MEOX2: variants seen among roughly 807,000 people sequenced by gnomAD.
MEOX2 encodes the protein homeobox protein MOX-2.
A neutral mutation model predicts 27.0 loss-of-function variants in MEOX2; 11 were observed. The ratio of observed to expected loss-of-function variants is 0.41; its 90% CI spans 0.26 to 0.68. MEOX2 has a LOEUF of 0.68. Among genes scored for constraint, MEOX2 ranks in the 30% least tolerant of loss-of-function variants. The pLI, the probability that MEOX2 is intolerant of heterozygous loss-of-function variation, is 0.33. For missense variants in MEOX2, 436 were observed against 385.4 expected (o/e 1.13, Z -1.10); for synonymous variants, 189 against 155.4 (o/e 1.22, Z -1.61).
At chr7:15,625,001 G>A (rs1781277707) in intron 2 of MEOX2, among the ~76,000 whole-genome samples, 1 of 152,076 alleles carries the variant, frequency 6.6e-6, no homozygotes, top group Non-Finnish European at 1.5e-5. Flanking sequence ...CTGCTCCGTG[G>A]TCAAACAATG....
chr7:15,633,127 C>G (rs951892943), intron 1 of MEOX2, among the ~76,000 whole-genome samples: 4 of 151,876 alleles, frequency 2.6e-5, no homozygotes, highest in African/African-American at 9.7e-5. Flanking sequence ...GCTTTCTCTC[C>G]TATACTAGAA....
chr7:15,665,153 C>T (rs1445736772), intron 1 of MEOX2, among the ~76,000 whole-genome samples: 1 of 151,968 alleles, frequency 6.6e-6, no homozygotes, highest in East Asian at 1.9e-4. Flanking sequence ...GACAATGTTA[C>T]ACATTTTGGC....
chr7:15,667,345 G>A (rs1370527946), intron 1 of MEOX2, among the ~76,000 whole-genome samples: 1 of 147,700 alleles, frequency 6.8e-6, no homozygotes, highest in Non-Finnish European at 1.5e-5. Context: ...AGTTGAGGCA[G>A]CTGCCACCCT....
intron 2 of MEOX2, among the ~76,000 whole-genome samples, chr7:15,625,826 T>A (rs1781293764): frequency 6.6e-6 from 1 of 152,124 alleles, no homozygotes; most frequent in African/African-American, 2.4e-5. Context: ...AACAAATCAT[T>A]TGTCATTCAA....
At chr7:15,617,066 G>T (rs112598644) in intron 2 of MEOX2, among the ~76,000 whole-genome samples, 5 of 151,920 alleles carry the variant, frequency 3.3e-5, no homozygotes, top group African/African-American at 1.2e-4. Context: ...GTGTCCTGAG[G>T]CAAATAGGTT....
chr7:15,652,294 G>C (rs17168957), intron 1 of MEOX2, among the ~76,000 whole-genome samples: 4 of 152,030 alleles, frequency 2.6e-5, no homozygotes, highest in African/African-American at 7.2e-5. Flanking sequence ...AAATGCATAT[G>C]TAATTACTCA....
rs78775276 is a variant in MEOX2, at chr7:15,664,130, T to C, written c.517+21756A>G. ...GCTGTACTTAAAGACCCAATATATGTGAAGGAGATAGGTTAAGAGGGATTT... is the reference window on the plus strand; with the variant it reads ...GCTGTACTTAAAGACCCAATATATGCGAAGGAGATAGGTTAAGAGGGATTT... On this transcript the variant is annotated intron_variant, in intron 1 of 2. Transcript: ENST00000262041. Among the ~76,000 whole-genome samples, 80 of 152,286 alleles carry C rather than the reference T, an allele frequency of 5.3e-4. 1 individual carries two copies. The East Asian group carries it at 0.015, about 29-fold the overall frequency.
chr7:15,647,614 C>T (rs2115374780), intron 1 of MEOX2, among the ~76,000 whole-genome samples: 1 of 152,146 alleles, frequency 6.6e-6, no homozygotes, highest in African/African-American at 2.4e-5. Flanking sequence ...GAACATGAAA[C>T]TAAAGCTGCT....
At chr7:15,653,057 T>C (rs1406469045) in intron 1 of MEOX2, among the ~76,000 whole-genome samples, 1 of 114,190 alleles carries the variant, frequency 8.8e-6, no homozygotes, top group African/African-American at 2.7e-5. Context: ...CTGTCAAACT[T>C]TTTTCCAGAG....
intron 1 of MEOX2, among the ~76,000 whole-genome samples, chr7:15,633,367 G>C (rs556570754): frequency 1.1e-4 from 17 of 151,970 alleles, no homozygotes; most frequent in African/African-American, 3.6e-4. Flanking sequence ...GATGGGGAGG[G>C]AAAGAAACTA....
At chr7:15,682,363 G>A (rs1782307050) in intron 1 of MEOX2, among the ~76,000 whole-genome samples, 1 of 151,704 alleles carries the variant, frequency 6.6e-6, no homozygotes, top group African/African-American at 2.4e-5. Context: ...CTGAGTTTAA[G>A]TTCCAACTTA....
rs575286230 is a variant in MEOX2, at chr7:15,636,878, C to CATTCATATA, written c.518-9969_518-9961dup. On this transcript the variant is annotated intron_variant, in intron 1 of 2. Coordinates refer to ENST00000262041, the MANE Select transcript of MEOX2 (RefSeq NM_005924.5). The stretch of plus-strand genomic sequence containing the variant: ...GCAGAAGGGCAAAAGAGCGTGATCC[C>CATTCATATA]ATTCATATAAGCCCTTTTCATAGTG... Among the ~76,000 whole-genome samples the CATTCATATA allele has an allele frequency of 5.9e-5, 9 of 152,072 alleles. No homozygotes were observed. The East Asian group carries it at 1.7e-3, about 29-fold the overall frequency.
chr7:15,649,784 T>C (rs1466910642), intron 1 of MEOX2, among the ~76,000 whole-genome samples: 10 of 152,080 alleles, frequency 6.6e-5, no homozygotes, highest in Admixed American at 2.0e-4. Flanking sequence ...AAAGTACAGA[T>C]GTCCAGGCAA....
intron 1 of MEOX2, among the ~76,000 whole-genome samples, chr7:15,669,523 T>A (rs1277005099): frequency 6.6e-6 from 1 of 152,228 alleles, no homozygotes; most frequent in Admixed American, 6.5e-5. Flanking sequence ...TAATCCTCAA[T>A]TAATTCCCAA....
At chr7:15,653,441 T>C (rs1781771680) in intron 1 of MEOX2, among the ~76,000 whole-genome samples, 1 of 151,970 alleles carries the variant, frequency 6.6e-6, no homozygotes, top group African/African-American at 2.4e-5. Context: ...CTTTTCATCC[T>C]CTTAACAGGG....
rs144194542 is a variant in MEOX2 at position 15,614,536 on chromosome 7, C to A, written c.691-1925G>T. 6.0e-3 allele frequency among the ~76,000 whole-genome samples: 908 copies of A among 152,180 alleles called. 9 individuals are homozygous for A. Among genetic ancestry groups the A allele is most frequent in the African/African-American group, 0.02 (819 of 41,538 alleles). ...ATTTTAAATGGATAACACATTGTCC[C>A]AGGTCCATTTATTAAATAACCCAGC... is the stretch of plus-strand genomic sequence containing the variant. On this transcript the variant is annotated intron_variant, in intron 2 of 2. Coordinates refer to ENST00000262041, the MANE Select transcript of MEOX2 (RefSeq NM_005924.5).
intron 1 of MEOX2, among the ~76,000 whole-genome samples, chr7:15,661,794 C>T (rs1562609727): frequency 6.6e-6 from 1 of 152,120 alleles, no homozygotes; most frequent in Non-Finnish European, 1.5e-5. Flanking sequence ...GTGGTTTTGA[C>T]ATTATTAGTA....
intron 1 of MEOX2, among the ~76,000 whole-genome samples, chr7:15,671,207 T>C (rs1424936956): frequency 6.6e-6 from 1 of 152,156 alleles, no homozygotes; most frequent in Non-Finnish European, 1.5e-5. Context: ...AAAATGCCCA[T>C]ATCACTCCAA....
intron 2 of MEOX2, among the ~76,000 whole-genome samples, chr7:15,621,388 A>C (rs1781220923): frequency 6.6e-6 from 1 of 152,226 alleles, no homozygotes; most frequent in African/African-American, 2.4e-5. Context: ...ATTACTTTGC[A>C]GAATGAGCCT....
Sources: allele counts gnomAD v4.1 joint callset (sites outside exome capture counted in the v4.1 genomes callset), GRCh38; gene constraint gnomAD v4.1.1; transcripts MANE v1.5; gene names NCBI Gene and HGNC (gene_info 2026-07-23, HGNC 2026-07-21).